The following LSM14A variants were observed in gnomAD, a reference collection of about 807,000 sequenced individuals.
LSM14A encodes LSM14A mRNA processing body assembly factor.
A neutral mutation model predicts 52.4 loss-of-function variants in LSM14A; 14 were observed. The observed-to-expected ratio is 0.27, with a 90% CI of 0.18 to 0.42. LSM14A has a LOEUF of 0.42. LSM14A is among the 10% of genes least tolerant of loss of function. LSM14A has a pLI of 1.00. For missense variants in LSM14A, 417 were observed against 581.8 expected (o/e 0.72, Z 2.91); for synonymous variants, 185 against 200.3 (o/e 0.92, Z 0.64).
At chr19:34,186,783 TAA>T in intron 1 of LSM14A, among the ~76,000 whole-genome samples, 1 of 152,342 alleles carries the variant, frequency 6.6e-6, no homozygotes, top group Admixed American at 6.5e-5. Context: ...AATCTTATTC[TAA>T]GTTTTCATTT....
At chr19:34,212,322 C>G (rs185961453) in intron 4 of LSM14A, among the ~76,000 whole-genome samples, 1 of 152,108 alleles carries the variant, frequency 6.6e-6, no homozygotes, top group African/African-American at 2.4e-5. Flanking sequence ...AAGAATTCAT[C>G]TTAAAAGAAT....
At chr19:34,222,680 C>A (rs1342808525) in intron 9 of LSM14A, among the ~76,000 whole-genome samples, 1 of 152,148 alleles carries the variant, frequency 6.6e-6, no homozygotes, top group Non-Finnish European at 1.5e-5. Flanking sequence ...GGCTTTTGGA[C>A]CTGCTCTATT....
chr19:34,203,825 G>T (rs891270870), intron 3 of LSM14A, among the ~76,000 whole-genome samples: 26 of 144,316 alleles, frequency 1.8e-4, no homozygotes, highest in African/African-American at 6.4e-4. Context: ...AAGAAAGAAA[G>T]ATTGTTAAAG....
intron 3 of LSM14A, among the ~76,000 whole-genome samples, chr19:34,204,765 C>T (rs1424002871): frequency 6.6e-6 from 1 of 152,034 alleles, no homozygotes; most frequent in Non-Finnish European, 1.5e-5. Context: ...AATTTAATGA[C>T]CAGAAAGTTT....
chr19:34,180,229 T>C (rs990691728), intron 1 of LSM14A, among the ~76,000 whole-genome samples: 1 of 152,192 alleles, frequency 6.6e-6, no homozygotes, highest in African/African-American at 2.4e-5. Flanking sequence ...TGAAGTAAGT[T>C]TTTTAGTGGA....
At chr19:34,196,108 A>G (rs901769332) in intron 2 of LSM14A, among the ~76,000 whole-genome samples, 5 of 152,186 alleles carry the variant, frequency 3.3e-5, no homozygotes, top group Non-Finnish European at 7.3e-5. Flanking sequence ...TATATGCTTT[A>G]GGTTTAAGTT....
chr19:34,196,131 A>G (rs1419817673), intron 2 of LSM14A, among the ~76,000 whole-genome samples: 1 of 152,208 alleles, frequency 6.6e-6, no homozygotes, highest in Non-Finnish European at 1.5e-5. Context: ...AGTTTTTATA[A>G]AATGTTCCTC....
rs757790827 is a variant in LSM14A at position 34,225,146 on chromosome 19, A to G, written c.1369-2219A>G. Among the ~76,000 whole-genome samples the G allele has an allele frequency of 1.7e-4, 26 of 152,220 alleles. 1 individual carries two copies. Among genetic ancestry groups the G allele is most frequent in the Non-Finnish European group, 3.5e-4 (24 of 68,026 alleles). On this transcript the variant is annotated intron_variant, in intron 9 of 9. Coordinates refer to ENST00000544216, the MANE Select transcript of LSM14A (RefSeq NM_015578.4). ...TCTTTCCATGACAACACTCAGCTCA[A>G]CATGGAGCCATAGTGGGCTTGAAGT...
intron 4 of LSM14A, among the ~76,000 whole-genome samples, chr19:34,212,314 G>T (rs1483628945): frequency 6.6e-6 from 1 of 152,156 alleles, no homozygotes; most frequent in East Asian, 1.9e-4. Context: ...AACAGAGCAA[G>T]AATTCATCTT....
At chr19:34,183,318 C>T (rs889844852) in intron 1 of LSM14A, among the ~76,000 whole-genome samples, 1 of 151,976 alleles carries the variant, frequency 6.6e-6, no homozygotes, top group African/African-American at 2.4e-5. Flanking sequence ...TTTGGGAGGC[C>T]GAGGCGGGCG....
chr19:34,220,375 A>T (rs1486353457), intron 8 of LSM14A, among the ~76,000 whole-genome samples: 2 of 152,256 alleles, frequency 1.3e-5, no homozygotes, highest in African/African-American at 4.8e-5. Flanking sequence ...TCATATTTGA[A>T]TATTAGCAAT....
chr19:34,209,085 T>G (rs897309123), intron 4 of LSM14A, 34 bp downstream of exon 4: 7 of 1,512,732 alleles, frequency 4.6e-6, no homozygotes, highest in Non-Finnish European at 6.3e-6. Context: ...ATTTCCATTC[T>G]AAACTTTTAT....
rs149818640 is a variant in LSM14A, at chr19:34,210,459, A to G, written c.538+1408A>G. On this transcript the variant is annotated intron_variant, in intron 4 of 9. Transcript: ENST00000544216. ...TCATTTTTTTGTATTTTTGGTAGAG[A>G]TGTGGTTTCGTGATGTTGGCCAGGC... is the stretch of plus-strand genomic sequence containing the variant. Among the ~76,000 whole-genome samples the G allele has an allele frequency of 2.7e-3, 404 of 152,020 alleles. 3 individuals carry two copies. Among genetic ancestry groups the G allele is most frequent in the African/African-American group, 9.4e-3 (389 of 41,440 alleles).
intron 6 of LSM14A, among the ~76,000 whole-genome samples, chr19:34,217,327 T>A (rs778770269): frequency 7.0e-4 from 106 of 151,914 alleles, no homozygotes; most frequent in Admixed American, 2.2e-3. Flanking sequence ...TGTAGTTTTC[T>A]TTTATGATTA....
At chr19:34,197,083 G>C (rs983360815) in intron 3 of LSM14A, among the ~76,000 whole-genome samples, 2 of 151,586 alleles carry the variant, frequency 1.3e-5, no homozygotes, top group African/African-American at 4.9e-5. Flanking sequence ...AATCTTATTG[G>C]TAATTGGTTT....
intron 3 of LSM14A, among the ~76,000 whole-genome samples, chr19:34,204,583 G>A (rs1483397707): frequency 1.3e-5 from 2 of 151,800 alleles, no homozygotes; most frequent in African/African-American, 2.4e-5. Context: ...GCTGGGTGTG[G>A]TTGTACATAC....
At chr19:34,212,663 G>A (rs1190906530) in intron 4 of LSM14A, among the ~76,000 whole-genome samples, 1 of 152,132 alleles carries the variant, frequency 6.6e-6, no homozygotes, top group Non-Finnish European at 1.5e-5. Context: ...TAGCTCAAGG[G>A]AGTGTGTCTA....
At chr19:34,176,768 A>G (rs1201451186) in intron 1 of LSM14A, among the ~76,000 whole-genome samples, 1 of 152,196 alleles carries the variant, frequency 6.6e-6, no homozygotes, top group African/African-American at 2.4e-5. Context: ...GTGCATGTTT[A>G]TTTCGTTTTC....
intron 1 of LSM14A, among the ~76,000 whole-genome samples, chr19:34,182,682 A>G (rs1458256601): frequency 2.3e-5 from 1 of 44,050 alleles, no homozygotes; most frequent in Non-Finnish European, 4.5e-5. Flanking sequence ...CTAAAAATAC[A>G]AAAAAAAAAA....
Sources: gnomAD v4.1 joint callset for allele counts (sites outside exome capture counted in the v4.1 genomes callset) on GRCh38, gnomAD v4.1.1 for gene constraint, MANE v1.5 for transcripts, NCBI Gene and HGNC (gene_info 2026-07-23, HGNC 2026-07-21) for gene names.